The following UGT1A10 variants were observed in gnomAD, a reference collection of about 807,000 sequenced individuals.
UGT1A10 encodes UDP glucuronosyltransferase family 1 member A10.
UGT1A10 carries 49 observed loss-of-function variants against 45.8 expected under a neutral mutation model. The ratio of observed to expected loss-of-function variants is 1.07; its 90% CI spans 0.85 to 1.36. The LOEUF (loss-of-function observed/expected upper bound fraction) is 1.36, where lower values mean the gene tolerates loss of function less well. Ranked by LOEUF, UGT1A10 falls within the 40% of genes most tolerant of loss-of-function variation. The probability of loss-of-function intolerance (pLI) is 0.00; values close to 1 mark genes in which losing one functional copy is unlikely to be tolerated. For synonymous variants in UGT1A10, 284 were observed against 249.7 expected, an observed-to-expected ratio of 1.14 and a Z score of -1.29; for missense variants, 745 against 668.6, an observed-to-expected ratio of 1.11 and a Z score of -1.26.
intron 1 of UGT1A10, among the ~76,000 whole-genome samples, chr2:233,757,237 G>A (rs934009312): frequency 2.7e-4 from 40 of 149,716 alleles, no homozygotes; most frequent in African/African-American, 9.6e-4. Flanking sequence ...CAGAAGTGGT[G>A]GTGAGGTGGG....
intron 1 of UGT1A10, among the ~76,000 whole-genome samples, chr2:233,763,422 G>A (rs983086025): frequency 2.0e-4 from 31 of 152,076 alleles, no homozygotes; most frequent in Non-Finnish European, 4.1e-4. Context: ...ATCCAGTCAG[G>A]CAGTTGCTTT....
intron 1 of UGT1A10, chr2:233,681,753 T>C (rs2074537507): frequency 4.7e-6 from 4 of 844,608 alleles, no homozygotes; most frequent in Non-Finnish European, 5.7e-6. Context: ...TATAAGCAGG[T>C]ATCTCAGCAA....
At chr2:233,657,389 C>A (rs1344818625) in intron 1 of UGT1A10, among the ~76,000 whole-genome samples, 1 of 152,190 alleles carries the variant, frequency 6.6e-6, no homozygotes, top group Non-Finnish European at 1.5e-5. Flanking sequence ...AAGACTTGGG[C>A]TACTTCCACT....
At chr2:233,673,933 T>C (rs1242605076) in intron 1 of UGT1A10, among the ~76,000 whole-genome samples, 4 of 152,200 alleles carry the variant, frequency 2.6e-5, no homozygotes, top group African/African-American at 7.2e-5. Context: ...CAAAGCACTA[T>C]TGAGTAATAT....
rs769310438 is a variant in UGT1A10 at position 233,760,575 on chromosome 2, G to A, written c.856-6459G>A. The A allele has an allele frequency of 1.1e-5, 18 of 1,614,108 alleles. No individual in the cohort carries two copies. Among genetic ancestry groups the A allele is most frequent in the Non-Finnish European group, 1.5e-5 (18 of 1,180,054 alleles). On this transcript the variant is annotated intron_variant, in intron 1 of 4. Transcript: ENST00000344644. ...TGAAAGAGTCTTTTGTTAGTCTCGG[G>A]CATAATGTTTTTGAGAATGATTCTT... is the stretch of plus-strand genomic sequence containing the variant.
Position 233,768,253 on chromosome 2 carries a change from C to G in UGT1A10, c.1109C>G (p.Ala370Gly). ...HPMTRAFITH[A>G]GSHGVYESIC... ...ATGACCCGTGCCTTTATCACCCATG[C>G]TGGTTCCCATGGTGTTTATGAAAGC... The change falls in exon 4 of 5, where the codon GCT becomes GGT. Residue 370 changes from alanine (A) to glycine (G), a missense_variant. Transcript: ENST00000344644. 6.2e-7 allele frequency: 1 copy of G among 1,614,206 alleles called. No homozygotes were observed. Among genetic ancestry groups the G allele is most frequent in the Non-Finnish European group, 8.5e-7 (1 of 1,180,038 alleles).
At chr2:233,729,111 C>T (rs773243405) in intron 1 of UGT1A10, 49 of 1,612,868 alleles carry the variant, frequency 3.0e-5, no homozygotes, top group Non-Finnish European at 4.0e-5. Flanking sequence ...GTCAGCTGTC[C>T]GTGTCTTCTG....
At chr2:233,661,623 T>TTTTCTTTCTTTTC (rs2073965640) in intron 1 of UGT1A10, among the ~76,000 whole-genome samples, 1 of 123,952 alleles carries the variant, frequency 8.1e-6, no homozygotes, top group South Asian at 2.7e-4. Flanking sequence ...ACTTACTGAA[T>TTTTCTTTCTTTTC]TTTCTTTCTT....
At chr2:233,682,879 A>C in intron 1 of UGT1A10, 3 of 1,512,746 alleles carry the variant, frequency 2.0e-6, no homozygotes, top group Admixed American at 2.2e-5. Flanking sequence ...TATCATTTAC[A>C]TTTGTCCCAT....
At chr2:233,724,493 G>A (rs1411892457) in intron 1 of UGT1A10, among the ~76,000 whole-genome samples, 16 of 76,170 alleles carry the variant, frequency 2.1e-4, no homozygotes, top group South Asian at 6.4e-4. Flanking sequence ...CGGGGCGGCC[G>A]GGCAGAGACG....
chr2:233,746,338 A>G (rs1693368906), intron 1 of UGT1A10, among the ~76,000 whole-genome samples: 1 of 151,758 alleles, frequency 6.6e-6, no homozygotes, highest in South Asian at 2.1e-4. Flanking sequence ...GGCAATGGAC[A>G]TGTTTATGTT....
intron 4 of UGT1A10, chr2:233,771,117 G>A (rs1700240855): frequency 6.6e-6 from 1 of 152,076 alleles, no homozygotes; most frequent in Admixed American, 6.6e-5. Context: ...AAGCACAAGG[G>A]ATCCGACCCC....
intron 1 of UGT1A10, among the ~76,000 whole-genome samples, chr2:233,704,622 G>C (rs1418353770): frequency 6.6e-6 from 1 of 152,090 alleles, no homozygotes; most frequent in African/African-American, 2.4e-5. Flanking sequence ...TATAGAGTTT[G>C]TTATATTAAC....
chr2:233,719,182 C>T, intron 1 of UGT1A10: 1 of 1,614,216 alleles, frequency 6.2e-7, no homozygotes, highest in South Asian at 1.1e-5. Context: ...AACAATGTAT[C>T]TTTGGCCCTT....
At chr2:233,638,220 A>T (rs191784269) in intron 1 of UGT1A10, among the ~76,000 whole-genome samples, 79 of 152,268 alleles carry the variant, frequency 5.2e-4, no homozygotes, top group Non-Finnish European at 8.2e-4. Context: ...ATAAATAAAA[A>T]TTTTCACTAT....
intron 1 of UGT1A10, among the ~76,000 whole-genome samples, chr2:233,641,887 C>T (rs1351057982): frequency 9.9e-5 from 15 of 152,216 alleles, no homozygotes; most frequent in Admixed American, 7.8e-4. Flanking sequence ...TGTATTGGAA[C>T]TCCATTGTTT....
intron 1 of UGT1A10, among the ~76,000 whole-genome samples, chr2:233,642,870 G>GTCTCTCTCTCTCTCTCACTC (rs2073489232): frequency 6.6e-6 from 1 of 151,140 alleles, no homozygotes; most frequent in East Asian, 1.9e-4. Context: ...AAAATACAGA[G>GTCTCTCTCTCTCTCTCACTC]TCTCTCTCTC....
intron 1 of UGT1A10, among the ~76,000 whole-genome samples, chr2:233,762,100 T>C (rs1697968145): frequency 6.6e-6 from 1 of 152,226 alleles, no homozygotes; most frequent in Non-Finnish European, 1.5e-5. Flanking sequence ...TAGTTGTTGA[T>C]TGTCCGCTTC....
chr2:233,755,226 G>A lies in UGT1A10; in HGVS notation c.856-11808G>A, dbSNP rs529614771. The A allele has an allele frequency of 5.1e-6, 5 of 975,542 alleles. No homozygotes were observed. In the East Asian group the frequency reaches 1.5e-4, roughly 29 times the overall value. 60.4% of individuals were successfully genotyped at this position (975,542 alleles called of 1,614,324 possible). On this transcript the variant is annotated intron_variant, in intron 1 of 4. Transcript: ENST00000344644. ...GTACGCCTTCTTGATACCCTCGGAC[G>A]AGGCCTACCGGGGTACTCCCAGCAC...
Sources: gnomAD v4.1 joint callset for allele counts (sites outside exome capture counted in the v4.1 genomes callset) on GRCh38, gnomAD v4.1.1 for gene constraint, MANE v1.5 for transcripts, NCBI Gene and HGNC (gene_info 2026-07-23, HGNC 2026-07-21) for gene names.